OR51B5: variants seen among roughly 807,000 people sequenced by gnomAD.
OR51B5 encodes the protein olfactory receptor family 51 subfamily B member 5.
For synonymous variants in OR51B5, 186 were observed against 144.8 expected (o/e 1.28, Z -2.04); for missense variants, 456 against 374.6 (o/e 1.22, Z -1.79).
intron 1 of OR51B5, among the ~76,000 whole-genome samples, chr11:5,416,508 G>A (rs978553932): frequency 6.6e-6 from 1 of 151,530 alleles, no homozygotes. Context: ...CAGATGACAT[G>A]ATTGTATATC....
intron 1 of OR51B5, among the ~76,000 whole-genome samples, chr11:5,424,763 C>T (rs1377460933): frequency 1.4e-5 from 2 of 145,014 alleles, no homozygotes; most frequent in African/African-American, 5.1e-5. Context: ...GGGTGGATCA[C>T]GACGTCAGCA....
In OR51B5 at chr11:5,401,671, A is replaced by G. The variant is rs1354959252; in HGVS notation, n.85-54761T>C. ...TTTCACCTATTCCTGATATTATTCC[A>G]TATCTTATTTTGGGATTGCTTACAT... On this transcript the variant is annotated intron_variant and non_coding_transcript_variant, in intron 1 of 4. Coordinates refer to the OR51B5 transcript ENST00000415970. 2.6e-5 allele frequency among the ~76,000 whole-genome samples: 4 copies of G among 152,086 alleles called. No homozygotes were observed. The East Asian group carries it at 5.8e-4, about 22-fold the overall frequency.
intron 1 of OR51B5, among the ~76,000 whole-genome samples, chr11:5,357,964 C>A (rs965429756): frequency 2.6e-5 from 4 of 151,948 alleles, no homozygotes; most frequent in African/African-American, 9.7e-5. Context: ...ACACAACATA[C>A]CAGAATCTCT....
chr11:5,365,360 T>C (rs1188673251), intron 1 of OR51B5, among the ~76,000 whole-genome samples: 1 of 152,170 alleles, frequency 6.6e-6, no homozygotes, highest in Non-Finnish European at 1.5e-5. Flanking sequence ...AACCAATGCA[T>C]GGCTGGTCCC....
At chr11:5,374,766 G>A (rs1016373910) in intron 1 of OR51B5, among the ~76,000 whole-genome samples, 7 of 152,090 alleles carry the variant, frequency 4.6e-5, no homozygotes, top group Non-Finnish European at 8.8e-5. Context: ...AATGAAGCGA[G>A]AAGGGAAGTT....
At chr11:5,382,833 G>A (rs1849630214) in intron 1 of OR51B5, among the ~76,000 whole-genome samples, 1 of 152,096 alleles carries the variant, frequency 6.6e-6, no homozygotes, top group African/African-American at 2.4e-5. Context: ...GATCACAATG[G>A]CATGTCATAA....
chr11:5,477,677 G>C (rs1057095582), intron 1 of OR51B5, among the ~76,000 whole-genome samples: 2 of 152,144 alleles, frequency 1.3e-5, no homozygotes, highest in Non-Finnish European at 2.9e-5. Context: ...AGCCGAAGCA[G>C]GGTGAGGCAT....
At chr11:5,423,998 C>T (rs576430042) in intron 1 of OR51B5, among the ~76,000 whole-genome samples, 1 of 152,022 alleles carries the variant, frequency 6.6e-6, no homozygotes, top group Non-Finnish European at 1.5e-5. Flanking sequence ...GAATTTTTCA[C>T]GAGCAAATAT....
intron 1 of OR51B5, among the ~76,000 whole-genome samples, chr11:5,451,397 C>A (rs79163053): frequency 0.017 from 2,546 of 152,204 alleles, 71 homozygotes; most frequent in African/African-American, 0.058. Context: ...TTCTACAAGA[C>A]TTTATATGAA....
At chr11:5,433,190 G>A (rs1233786566) in intron 1 of OR51B5, among the ~76,000 whole-genome samples, 2 of 152,110 alleles carry the variant, frequency 1.3e-5, no homozygotes, top group African/African-American at 4.8e-5. Flanking sequence ...AAGAATATAT[G>A]CAAAGATGAA....
intron 1 of OR51B5, among the ~76,000 whole-genome samples, chr11:5,415,437 A>G (rs10768941): frequency 0.83 from 124,831 of 150,000 alleles, 52,541 homozygotes; most frequent in Non-Finnish European, 0.89. Context: ...GAGCAGAACT[A>G]AAGGAAATAG....
At position 5,358,888 on chromosome 11, in the gene OR51B5, A is replaced by C. The variant is rs1239466828; in HGVS notation, n.85-11978T>G. Among the ~76,000 whole-genome samples, 4 of 152,202 alleles carry C rather than the reference A, an allele frequency of 2.6e-5. No individual in the cohort carries two copies. The East Asian group carries it at 5.8e-4, about 22-fold the overall frequency. ...CAGCATATAAACAGAACCAAAGACA[A>C]AAACCACATGATTATCTCAATAGAT... On this transcript the variant is annotated intron_variant and non_coding_transcript_variant, in intron 1 of 4. Transcript: ENST00000415970.
rs561396934 is a variant in OR51B5 at position 5,449,739 on chromosome 11, G to A, written n.84+55830C>T. On this transcript the variant is annotated intron_variant and non_coding_transcript_variant, in intron 1 of 4. Coordinates refer to the OR51B5 transcript ENST00000415970. ...CGGTTCGGGAATCTAGAAGGGAAGTGGTCACAACCTATCCCATGACAAACA... is the reference window on the plus strand; with the variant it reads ...CGGTTCGGGAATCTAGAAGGGAAGTAGTCACAACCTATCCCATGACAAACA... 2.0e-5 allele frequency among the ~76,000 whole-genome samples: 3 copies of A among 152,204 alleles called. No homozygotes were observed. In the South Asian group the frequency reaches 6.2e-4, roughly 32 times the overall value.
intron 1 of OR51B5, among the ~76,000 whole-genome samples, chr11:5,388,873 G>A (rs2736533): frequency 0.42 from 63,564 of 151,498 alleles, 13,619 homozygotes; most frequent in Middle Eastern, 0.45. Context: ...CCTAGGACTT[G>A]GTGATTGGTT....
intron 1 of OR51B5, chr11:5,352,380 C>T (rs768813248): frequency 2.5e-5 from 41 of 1,613,402 alleles, no homozygotes; most frequent in Non-Finnish European, 3.4e-5. Flanking sequence ...TTATCTATAG[C>T]ATTAAAACTA....
intron 1 of OR51B5, chr11:5,422,197 A>G: frequency 6.3e-7 from 1 of 1,589,844 alleles, no homozygotes; most frequent in Non-Finnish European, 8.6e-7. Flanking sequence ...CACATTCATC[A>G]GTCATGTCCC....
At chr11:5,400,893 G>C (rs565591609) in intron 1 of OR51B5, among the ~76,000 whole-genome samples, 34 of 152,324 alleles carry the variant, frequency 2.2e-4, no homozygotes, top group African/African-American at 7.9e-4. Flanking sequence ...CGTAAGTTCA[G>C]CAGTGGCTGA....
chr11:5,440,683 T>C (rs1404971201), intron 1 of OR51B5: 1 of 1,613,920 alleles, frequency 6.2e-7, no homozygotes, highest in Non-Finnish European at 8.5e-7. Flanking sequence ...ACATTGGACA[T>C]CATGACATGA....
intron 1 of OR51B5, among the ~76,000 whole-genome samples, chr11:5,426,786 T>C (rs1850456836): frequency 1.3e-5 from 2 of 152,130 alleles, no homozygotes; most frequent in Admixed American, 6.5e-5. Context: ...AGTTCCCTCA[T>C]CTGATTACAG....
Sources: gnomAD v4.1 joint callset for allele counts (sites outside exome capture counted in the v4.1 genomes callset) on GRCh38, gnomAD v4.1.1 for gene constraint, MANE v1.5 for transcripts, NCBI Gene and HGNC (gene_info 2026-07-23, HGNC 2026-07-21) for gene names.